Variants in USP49 observed in about 807,000 individuals in gnomAD.
USP49 encodes ubiquitin carboxyl-terminal hydrolase 49.
A neutral mutation model predicts 58.6 loss-of-function variants in USP49; 24 were observed. The observed-to-expected ratio is 0.41, with a 90% CI of 0.30 to 0.58. The LOEUF (loss-of-function observed/expected upper bound fraction) is 0.58, where lower values mean the gene tolerates loss of function less well. USP49 is among the 20% of genes least tolerant of loss of function. USP49 has a pLI of 0.30. For synonymous variants in USP49, 408 were observed against 365.1 expected, an observed-to-expected ratio of 1.12 and a Z score of -1.34; for missense variants, 703 against 866.1, an observed-to-expected ratio of 0.81 and a Z score of 2.36.
intron 3 of USP49, among the ~76,000 whole-genome samples, chr6:41,848,810 G>A (rs886278710): frequency 2.0e-5 from 3 of 151,164 alleles, no homozygotes; most frequent in East Asian, 2.0e-4. Context: ...AGCCAAGATC[G>A]CGCCACTGCA....
chr6:41,874,067 C>CA (rs1249396579), intron 2 of USP49: 1 of 152,182 alleles, frequency 6.6e-6, no homozygotes, highest in African/African-American at 2.4e-5. Context: ...GTCAGGAGGC[C>CA]ATATTCCAAG....
At chr6:41,817,504 G>C (rs1376288806) in intron 3 of USP49, among the ~76,000 whole-genome samples, 8 of 137,122 alleles carry the variant, frequency 5.8e-5, no homozygotes, top group Admixed American at 3.2e-4. Flanking sequence ...CTGTCGCCCA[G>C]GCTGCAATGA....
At chr6:41,841,661 T>C (rs1773829834) in intron 3 of USP49, among the ~76,000 whole-genome samples, 2 of 152,214 alleles carry the variant, frequency 1.3e-5, no homozygotes, top group African/African-American at 4.8e-5. Flanking sequence ...TGTATCATCT[T>C]AGGTGGACCT....
chr6:41,895,043 C>T (rs1310763162), intron 1 of USP49, among the ~76,000 whole-genome samples: 1 of 145,940 alleles, frequency 6.9e-6, no homozygotes, highest in Non-Finnish European at 1.5e-5. Context: ...CCGCCCCGGG[C>T]GCCCCCAGCC....
At chr6:41,844,361 C>T (rs1561915626) in intron 3 of USP49, among the ~76,000 whole-genome samples, 1 of 151,762 alleles carries the variant, frequency 6.6e-6, no homozygotes, top group Middle Eastern at 3.4e-3. Context: ...TACTGTCGCC[C>T]GGGCTGGAGT....
intron 3 of USP49, among the ~76,000 whole-genome samples, chr6:41,815,623 T>C (rs1481761216): frequency 2.6e-5 from 4 of 152,108 alleles, no homozygotes; most frequent in African/African-American, 4.8e-5. Context: ...CTATAAGTCA[T>C]AGTGCAGTTC....
At chr6:41,872,617 G>A (rs186255837) in intron 2 of USP49, among the ~76,000 whole-genome samples, 10 of 151,932 alleles carry the variant, frequency 6.6e-5, no homozygotes, top group Admixed American at 3.9e-4. Flanking sequence ...ATATGTTCCC[G>A]GCCAGGCACG....
intron 4 of USP49, among the ~76,000 whole-genome samples, chr6:41,804,464 C>T (rs944454297): frequency 2.6e-5 from 4 of 152,194 alleles, no homozygotes; most frequent in Admixed American, 2.0e-4. Flanking sequence ...AGAAGCCCTA[C>T]ACTGAACCCC....
intron 5 of USP49, 36 bp from the exon 6 acceptor site, chr6:41,799,974 G>A: frequency 1.3e-6 from 2 of 1,589,314 alleles, no homozygotes; most frequent in Non-Finnish European, 1.7e-6. Flanking sequence ...CATAGGTTGT[G>A]AGGAGTTTTT....
intron 2 of USP49, among the ~76,000 whole-genome samples, chr6:41,891,576 G>T (rs1774811231): frequency 2.0e-5 from 3 of 152,090 alleles, no homozygotes. Context: ...AAGAACTAAG[G>T]TCTTATAAAT....
At chr6:41,840,360 C>T (rs1013801934) in intron 3 of USP49, among the ~76,000 whole-genome samples, 2 of 121,536 alleles carry the variant, frequency 1.6e-5, no homozygotes, top group African/African-American at 6.2e-5. Flanking sequence ...GGCGACCGAG[C>T]AAAACTCCGT....
intron 3 of USP49, among the ~76,000 whole-genome samples, chr6:41,818,245 C>A (rs1773391650): frequency 6.6e-6 from 1 of 152,154 alleles, no homozygotes; most frequent in African/African-American, 2.4e-5. Context: ...TAAAACCTAA[C>A]CCCTTTTCCA....
chr6:41,800,111 C>G (rs944258889), intron 5 of USP49, among the ~76,000 whole-genome samples, 173 bp from the exon 6 acceptor site: 2 of 152,140 alleles, frequency 1.3e-5, no homozygotes, highest in South Asian at 4.1e-4. Context: ...CAGCTTCACA[C>G]GCCTGCATGG....
chr6:41,811,907 T>C (rs1773263081), intron 3 of USP49, among the ~76,000 whole-genome samples: 1 of 152,146 alleles, frequency 6.6e-6, no homozygotes. Context: ...AATATCAAGA[T>C]GCAGACAATT....
At chr6:41,867,985 G>A (rs1774350254) in intron 3 of USP49, among the ~76,000 whole-genome samples, 1 of 152,122 alleles carries the variant, frequency 6.6e-6, no homozygotes, top group Admixed American at 6.6e-5. Flanking sequence ...AAATCAAATA[G>A]TTACAGTGAC....
intron 3 of USP49, among the ~76,000 whole-genome samples, chr6:41,865,766 G>A (rs1253454140): frequency 1.4e-5 from 2 of 144,410 alleles, no homozygotes. Context: ...AGCTTCCTGA[G>A]TAGCTAGGAC....
In USP49 at chr6:41,806,461, C is replaced by G. The variant is rs539584100; in HGVS notation, c.523G>C (p.Glu175Gln). The G allele has an allele frequency of 6.3e-7, 1 of 1,594,932 alleles. No individual in the cohort carries two copies. Among genetic ancestry groups the G allele is most frequent in the African/African-American group, 1.3e-5 (1 of 74,934 alleles). ...TCCTTCTTGCGCTCCAGGGCCTCCT[C>G]CTGCCGCCGCTGCTCCAGCTTCGCC... The part of the protein sequence containing the change: ...GQAKLEQRRQ[E>Q]EALERKKEEA... Residue 175 changes from glutamate (E) to glutamine (Q), a missense_variant, in exon 4 of 8, where the codon GAG becomes CAG. Glu to Gln is a conservative substitution (Grantham distance 29, BLOSUM62 2). Transcript: ENST00000682992. The surrounding 1 kb of genome is among the most constrained non-coding windows in gnomAD (Gnocchi z 5.9).
At chr6:41,880,472 C>A (rs1209802971) in intron 2 of USP49, among the ~76,000 whole-genome samples, 11 of 152,074 alleles carry the variant, frequency 7.2e-5, no homozygotes, top group Admixed American at 7.2e-4. Flanking sequence ...AAAACAAGGC[C>A]TAGAATGAGG....
intron 3 of USP49, among the ~76,000 whole-genome samples, chr6:41,814,527 A>G (rs1773315222): frequency 1.3e-5 from 2 of 152,188 alleles, no homozygotes; most frequent in Non-Finnish European, 2.9e-5. Flanking sequence ...TTTTAATTGG[A>G]GTATTTCAAT....
Sources: allele counts gnomAD v4.1 joint callset (sites outside exome capture counted in the v4.1 genomes callset), GRCh38; gene constraint gnomAD v4.1.1; non-coding constraint Gnocchi (gnomAD v3.1); transcripts MANE v1.5; gene names NCBI Gene and HGNC (gene_info 2026-07-23, HGNC 2026-07-21).